AIG1: variants seen among roughly 807,000 people sequenced by gnomAD.
The protein encoded by AIG1 is androgen induced 1.
In AIG1, 23 loss-of-function variants were observed where a neutral mutation model predicts 31.4. The observed-to-expected ratio is 0.73, with a 90% CI of 0.53 to 1.04. The LOEUF (loss-of-function observed/expected upper bound fraction) is 1.04, where lower values mean the gene tolerates loss of function less well. AIG1 is among the 50% of genes least tolerant of loss of function. The pLI is 0.00. For missense variants in AIG1, 274 were observed against 295.0 expected (o/e 0.93, Z 0.52); for synonymous variants, 100 against 110.5 (o/e 0.90, Z 0.60).
At chr6:143,131,668 T>A (rs1783253448) in intron 1 of AIG1, among the ~76,000 whole-genome samples, 1 of 152,184 alleles carries the variant, frequency 6.6e-6, no homozygotes, top group South Asian at 2.1e-4. Flanking sequence ...CGAATCTTAG[T>A]CTCACAATGT....
At chr6:143,144,810 ATCTTCTCTGACTTAGT>A (rs1333078085) in intron 2 of AIG1, among the ~76,000 whole-genome samples, 2 of 152,158 alleles carry the variant, frequency 1.3e-5, no homozygotes, top group African/African-American at 4.8e-5. Context: ...TGTAGTGTCT[ATCTTCTCTGACTTAGT>A]TCAGACTCTG....
At chr6:143,179,400 T>G (rs1788511188) in intron 3 of AIG1, among the ~76,000 whole-genome samples, 2 of 152,210 alleles carry the variant, frequency 1.3e-5, no homozygotes, top group Non-Finnish European at 2.9e-5. Context: ...TTTCTAGGAA[T>G]CTACAGCCCA....
intron 4 of AIG1, among the ~76,000 whole-genome samples, chr6:143,286,812 G>A (rs1797709351): frequency 6.6e-6 from 1 of 152,116 alleles, no homozygotes; most frequent in South Asian, 2.1e-4. Context: ...GTTTTGCTGG[G>A]ACTCTAACTT....
chr6:143,062,197 C>T (rs534068189), intron 1 of AIG1, among the ~76,000 whole-genome samples: 126 of 152,286 alleles, frequency 8.3e-4, no homozygotes, highest in African/African-American at 2.9e-3. Flanking sequence ...AAAATAACAC[C>T]TTATATTTGC....
rs1194682726 is a variant in AIG1 at position 143,328,757 on chromosome 6, G to A, written c.516-4525G>A. On this transcript the variant is annotated intron_variant, in intron 4 of 5. Coordinates refer to ENST00000357847, the MANE Select transcript of AIG1 (RefSeq NM_016108.4). The surrounding 1 kb of genome is among the most constrained non-coding windows in gnomAD (Gnocchi z 4.0). ...GTTATTTTTTTAATTGTACATAAAC[G>A]TGAATGCAAACGGAGGTACATTTAA... Among the ~76,000 whole-genome samples, 12 of 152,070 alleles carry A rather than the reference G, an allele frequency of 7.9e-5. No individual in the cohort carries two copies. Among genetic ancestry groups the A allele is most frequent in the East Asian group, 1.9e-4 (1 of 5,198 alleles).
intron 3 of AIG1, chr6:143,187,385 C>A: frequency 1.3e-6 from 2 of 1,534,034 alleles, no homozygotes; most frequent in African/African-American, 2.7e-5. Flanking sequence ...GTTTAATTTG[C>A]AGCTATAGCA....
intron 3 of AIG1, chr6:143,188,317 T>A: frequency 1.0e-6 from 1 of 985,852 alleles, no homozygotes; most frequent in Non-Finnish European, 1.2e-6. Flanking sequence ...GTTGTTGCTA[T>A]ACAGTTTTCC....
At chr6:143,157,121 A>AT (rs1785851196) in intron 2 of AIG1, among the ~76,000 whole-genome samples, 1 of 152,250 alleles carries the variant, frequency 6.6e-6, no homozygotes, top group Non-Finnish European at 1.5e-5. Context: ...GGAAAAAATG[A>AT]TTATCTCAAT....
At chr6:143,342,834 A>G (rs913094016), downstream of AIG1, 2 of 808,142 alleles carry the variant, frequency 2.5e-6, no homozygotes, top group South Asian at 2.7e-5. Flanking sequence ...GATATTTCAA[A>G]TCTAATCCAG....
chr6:143,307,722 C>G (rs1799440299), intron 4 of AIG1, among the ~76,000 whole-genome samples: 1 of 152,074 alleles, frequency 6.6e-6, no homozygotes, highest in Admixed American at 6.6e-5. Flanking sequence ...AACCACTGCT[C>G]TCTTCAAAGC....
rs79177978 is a variant in AIG1, at chr6:143,328,974, T to C, written c.516-4308T>C. 7.8e-3 allele frequency among the ~76,000 whole-genome samples: 1,185 copies of C among 152,290 alleles called. 35 individuals are homozygous for C. Among genetic ancestry groups the C allele is most frequent in the Admixed American group, 0.048 (738 of 15,292 alleles). On this transcript the variant is annotated intron_variant, in intron 4 of 5. Coordinates refer to ENST00000357847, the MANE Select transcript of AIG1 (RefSeq NM_016108.4). This position sits in a 1 kb window ranked among gnomAD's most constrained non-coding sequence, Gnocchi z 4.0. ...AAAGTCAGCCAAGAACTAAGCACTC[T>C]CCAGATAGATGGGCAAGGCCATGAG... is the stretch of plus-strand genomic sequence containing the variant.
At chr6:143,101,449 A>G (rs145090657) in intron 1 of AIG1, among the ~76,000 whole-genome samples, 267 of 152,268 alleles carry the variant, frequency 1.8e-3, no homozygotes, top group South Asian at 6.0e-3. Context: ...GGAATAGACA[A>G]GGAGAGGAAG....
chr6:143,221,173 C>T (rs1467920343), intron 3 of AIG1, among the ~76,000 whole-genome samples: 1 of 152,156 alleles, frequency 6.6e-6, no homozygotes, highest in Non-Finnish European at 1.5e-5. Context: ...TAAGCACACT[C>T]TTATTAAGGA....
chr6:143,224,503 A>G (rs987477132), intron 3 of AIG1, among the ~76,000 whole-genome samples: 1 of 152,236 alleles, frequency 6.6e-6, no homozygotes, highest in African/African-American at 2.4e-5. Flanking sequence ...GAGAAATAAG[A>G]GAAGAAAAGT....
intron 3 of AIG1, among the ~76,000 whole-genome samples, chr6:143,190,877 A>G (rs946873184): frequency 2.6e-5 from 4 of 152,154 alleles, no homozygotes; most frequent in African/African-American, 4.8e-5. Flanking sequence ...TCTTCTTTCC[A>G]TGCCATTGAA....
At chr6:143,143,606 G>T (rs1315346497) in intron 2 of AIG1, among the ~76,000 whole-genome samples, 2 of 132,422 alleles carry the variant, frequency 1.5e-5, no homozygotes, top group Non-Finnish European at 3.1e-5. Context: ...TTTCACACAG[G>T]TACCTAAAGT....
In AIG1 at chr6:143,333,457, C is replaced by G. The variant is rs752409803; in HGVS notation, c.679+12C>G. The stretch of plus-strand genomic sequence containing the variant: ...GGATACACAGAAAAGTAAGTATTGT[C>G]TGAGGGAACATAAAACAAGAGAATT... On this transcript the variant is annotated intron_variant, in intron 5 of 5. Transcript: ENST00000357847. This position sits in a 1 kb window ranked among gnomAD's most constrained non-coding sequence, Gnocchi z 4.6. 3 of 1,610,720 alleles carry G rather than the reference C, an allele frequency of 1.9e-6. No individual in the cohort carries two copies. The South Asian group carries it at 3.3e-5, about 18-fold the overall frequency.
intron 3 of AIG1, among the ~76,000 whole-genome samples, chr6:143,247,160 TCTCA>T (rs1356172490): frequency 6.6e-6 from 1 of 151,982 alleles, no homozygotes; most frequent in African/African-American, 2.4e-5. Context: ...TTAGACAGCA[TCTCA>T]CTCTGTCGCC....
At chr6:143,087,649 A>G (rs1778923498) in intron 1 of AIG1, among the ~76,000 whole-genome samples, 1 of 152,200 alleles carries the variant, frequency 6.6e-6, no homozygotes, top group African/African-American at 2.4e-5. Context: ...TGCAGTTGCA[A>G]GATTTAATAG....
Sources: allele counts gnomAD v4.1 joint callset (sites outside exome capture counted in the v4.1 genomes callset), GRCh38; gene constraint gnomAD v4.1.1; non-coding constraint Gnocchi (gnomAD v3.1); transcripts MANE v1.5; gene names NCBI Gene and HGNC (gene_info 2026-07-23, HGNC 2026-07-21).